The following GABRB1 variants were observed in gnomAD, a reference collection of about 807,000 sequenced individuals.
The protein encoded by GABRB1 is gamma-aminobutyric acid receptor subunit beta-1.
Under a neutral mutation model 51.6 loss-of-function variants are expected in GABRB1, and 17 were observed. That is an observed-to-expected ratio of 0.33 (90% confidence interval 0.23 to 0.49). GABRB1 has a LOEUF of 0.49. GABRB1 is among the 20% of genes least tolerant of loss of function. The pLI, the probability that GABRB1 is intolerant of heterozygous loss-of-function variation, is 0.99. For missense variants in GABRB1, 410 were observed against 600.6 expected, an observed-to-expected ratio of 0.68 and a Z score of 3.32; for synonymous variants, 247 against 218.9, an observed-to-expected ratio of 1.13 and a Z score of -1.14.
intron 3 of GABRB1, among the ~76,000 whole-genome samples, chr4:47,033,877 A>G (rs909497549): frequency 6.6e-6 from 1 of 152,178 alleles, no homozygotes; most frequent in Admixed American, 6.5e-5. Flanking sequence ...GTAATACACA[A>G]TGAATATTTC....
rs1302131039 is a variant in GABRB1 at position 47,076,935 on chromosome 4, T to C, written c.240+44451T>C. Reference sequence around the variant, plus strand: ...TTTCTCCTTGGCCCACTGCTGAGATTGTAGACTTGAAACCAAATCATGGGT... The same window carrying C: ...TTTCTCCTTGGCCCACTGCTGAGATCGTAGACTTGAAACCAAATCATGGGT... On this transcript the variant is annotated intron_variant, in intron 3 of 8. Transcript: ENST00000295454. Among the ~76,000 whole-genome samples, 4 of 152,336 alleles carry C rather than the reference T, an allele frequency of 2.6e-5. No homozygotes were observed. The East Asian group carries it at 5.8e-4, about 22-fold the overall frequency.
At chr4:47,169,769 T>C (rs1490058627) in intron 4 of GABRB1, among the ~76,000 whole-genome samples, 11 of 152,186 alleles carry the variant, frequency 7.2e-5, no homozygotes, top group Non-Finnish European at 1.6e-4. Flanking sequence ...CCCAAAGTGC[T>C]GGGATTACAG....
intron 4 of GABRB1, among the ~76,000 whole-genome samples, chr4:47,275,880 T>G (rs913318062): frequency 6.6e-6 from 1 of 152,214 alleles, no homozygotes; most frequent in African/African-American, 2.4e-5. Flanking sequence ...GTATTTCTGC[T>G]GATCCCTCAT....
chr4:47,338,772 C>T (rs1217888805), intron 5 of GABRB1, among the ~76,000 whole-genome samples: 2 of 152,214 alleles, frequency 1.3e-5, no homozygotes, highest in Non-Finnish European at 2.9e-5. Context: ...ATTTAGCTCA[C>T]AGTTCCTCTT....
chr4:47,004,032 C>G (rs749284962), intron 1 of GABRB1, among the ~76,000 whole-genome samples: 3 of 152,124 alleles, frequency 2.0e-5, no homozygotes, highest in Admixed American at 2.0e-4. Flanking sequence ...GCTCTGTCCC[C>G]AGGCTGGAGT....
intron 4 of GABRB1, among the ~76,000 whole-genome samples, chr4:47,297,076 A>G (rs865827323): frequency 2.6e-5 from 4 of 152,146 alleles, no homozygotes; most frequent in Non-Finnish European, 5.9e-5. Flanking sequence ...ACAAAGACAC[A>G]ACATACCAGA....
chr4:47,396,070 T>C (rs1057409605), intron 5 of GABRB1, among the ~76,000 whole-genome samples: 3 of 152,202 alleles, frequency 2.0e-5, no homozygotes, highest in Non-Finnish European at 4.4e-5. Context: ...GTTTTCACGC[T>C]GCTGATACAC....
chr4:47,283,307 C>T (rs1460694238), intron 4 of GABRB1, among the ~76,000 whole-genome samples: 4 of 124,472 alleles, frequency 3.2e-5, no homozygotes, highest in Non-Finnish European at 4.8e-5. Context: ...AAAGAGGATT[C>T]GTTCTTCTTG....
chr4:47,205,009 C>T (rs1297555159), intron 4 of GABRB1, among the ~76,000 whole-genome samples: 1 of 152,136 alleles, frequency 6.6e-6, no homozygotes, highest in African/African-American at 2.4e-5. Context: ...GCTTCAGAGG[C>T]AGCTTCTGTG....
At chr4:47,264,800 T>C (rs1239651893) in intron 4 of GABRB1, among the ~76,000 whole-genome samples, 1 of 152,220 alleles carries the variant, frequency 6.6e-6, no homozygotes, top group Non-Finnish European at 1.5e-5. Context: ...TTTACGCTTC[T>C]GCAATCAATC....
chr4:47,099,595 C>T (rs1453788883), intron 3 of GABRB1, among the ~76,000 whole-genome samples: 3 of 152,038 alleles, frequency 2.0e-5, no homozygotes, highest in Admixed American at 6.6e-5. Context: ...GTGGATTGCT[C>T]ATTTTCTGGT....
intron 8 of GABRB1, among the ~76,000 whole-genome samples, chr4:47,414,298 T>G (rs1728848398): frequency 6.6e-6 from 1 of 152,148 alleles, no homozygotes; most frequent in Non-Finnish European, 1.5e-5. Flanking sequence ...CAGAGCACAG[T>G]TTTGCTTTAT....
intron 3 of GABRB1, among the ~76,000 whole-genome samples, chr4:47,037,011 A>T (rs1346325068): frequency 6.6e-6 from 1 of 152,178 alleles, no homozygotes; most frequent in Non-Finnish European, 1.5e-5. Context: ...ATTGATGATG[A>T]TGATGATAAG....
intron 4 of GABRB1, among the ~76,000 whole-genome samples, chr4:47,286,893 CA>C (rs1437996185): frequency 4.6e-5 from 7 of 152,198 alleles, no homozygotes; most frequent in African/African-American, 1.7e-4. Flanking sequence ...ATGATGCCCC[CA>C]AACATGGCCA....
chr4:47,112,327 G>T (rs778185659), intron 3 of GABRB1, among the ~76,000 whole-genome samples: 4 of 151,838 alleles, frequency 2.6e-5, no homozygotes, highest in Non-Finnish European at 5.9e-5. Context: ...GGCTGATCTC[G>T]ACCTCCTGAC....
chr4:47,401,812 CTATCTATCTAGCT>C (rs1728396179), intron 5 of GABRB1, among the ~76,000 whole-genome samples: 1 of 70,290 alleles, frequency 1.4e-5, no homozygotes, highest in African/African-American at 6.5e-5. Flanking sequence ...ATCTATCTAT[CTATCTATCTAGCT>C]ATCTATCTAT....
intron 3 of GABRB1, among the ~76,000 whole-genome samples, chr4:47,152,784 T>A (rs1411289616): frequency 6.6e-6 from 1 of 152,040 alleles, no homozygotes; most frequent in Non-Finnish European, 1.5e-5. Flanking sequence ...GGCCATCCTT[T>A]GGTGCCTCCT....
intron 5 of GABRB1, among the ~76,000 whole-genome samples, chr4:47,365,625 G>A (rs1726954741): frequency 6.6e-6 from 1 of 152,124 alleles, no homozygotes; most frequent in Non-Finnish European, 1.5e-5. Flanking sequence ...TCATGGGCTT[G>A]TTTACTCCGT....
intron 4 of GABRB1, among the ~76,000 whole-genome samples, chr4:47,175,952 AAAAT>A (rs564474796): frequency 1.3e-5 from 2 of 152,182 alleles, no homozygotes; most frequent in Non-Finnish European, 2.9e-5. Flanking sequence ...TAAGAGTAGA[AAAAT>A]AAATTAATGG....
Sources: gnomAD v4.1 joint callset for allele counts (sites outside exome capture counted in the v4.1 genomes callset) on GRCh38, gnomAD v4.1.1 for gene constraint, MANE v1.5 for transcripts, NCBI Gene and HGNC (gene_info 2026-07-23, HGNC 2026-07-21) for gene names.